ADK: variants seen among roughly 807,000 people sequenced by gnomAD.
ADK encodes adenosine kinase, also known as N6,N6-dimethyladenosine kinase.
Under a neutral mutation model 44.7 loss-of-function variants are expected in ADK, and 24 were observed. The ratio of observed to expected loss-of-function variants is 0.54; its 90% confidence interval spans 0.39 to 0.76. The LOEUF is 0.76. Among genes scored for constraint, ADK ranks in the 30% least tolerant of loss-of-function variants. The pLI is 0.00. For synonymous variants in ADK, 128 were observed against 142.6 expected (o/e 0.90, Z 0.73); for missense variants, 321 against 425.1 (o/e 0.76, Z 2.15).
intron 3 of ADK, among the ~76,000 whole-genome samples, chr10:74,239,756 A>G (rs1268917657): frequency 2.0e-5 from 3 of 150,310 alleles, no homozygotes; most frequent in African/African-American, 7.3e-5. Flanking sequence ...CAATAAAAGT[A>G]AAATTGTATA....
At chr10:74,184,910 T>C (rs1362176876) in intron 1 of ADK, among the ~76,000 whole-genome samples, 1 of 152,200 alleles carries the variant, frequency 6.6e-6, no homozygotes, top group East Asian at 1.9e-4. Context: ...GACATTTTTA[T>C]TGTATGGAGA....
At chr10:74,546,826 C>A (rs1284981597) in intron 7 of ADK, among the ~76,000 whole-genome samples, 2 of 151,978 alleles carry the variant, frequency 1.3e-5, no homozygotes, top group Non-Finnish European at 2.9e-5. Context: ...GACAAAGATT[C>A]ATGGATTATA....
rs148906307 is a variant in ADK, at chr10:74,706,563, T to C, written c.965-1758T>C. Among the ~76,000 whole-genome samples the C allele has an allele frequency of 1.3e-4, 20 of 152,328 alleles. No homozygotes were observed. In the East Asian group the frequency reaches 3.3e-3, roughly 25 times the overall value. On this transcript the variant is annotated intron_variant, in intron 10 of 10. Transcript: ENST00000539909. ...CAAAAATCAGTTGGCTATACAGAAG[T>C]AGGTTTATTTCTGGACTCTGTTCAG...
At chr10:74,214,626 G>T (rs972451329) in intron 2 of ADK, among the ~76,000 whole-genome samples, 2 of 152,134 alleles carry the variant, frequency 1.3e-5, no homozygotes, top group African/African-American at 4.8e-5. Flanking sequence ...GCCTTTCAAG[G>T]CACTAAGCTC....
rs139746877 is a variant in ADK at position 74,272,608 on chromosome 10, G to T, written c.195-42059G>T. Among the ~76,000 whole-genome samples the T allele has an allele frequency of 2.5e-3, 383 of 152,200 alleles. 2 individuals are homozygous for T. The highest frequency in any genetic ancestry group is 8.8e-3 in the African/African-American group (365 of 41,526). On this transcript the variant is annotated intron_variant, in intron 3 of 10. Coordinates refer to ENST00000539909, the MANE Select transcript of ADK (RefSeq NM_006721.4). ...TTTCTACCTCTGATTATAAATTAAA[G>T]GATAGTATTATAAATGCTTAATTTT... is the stretch of plus-strand genomic sequence containing the variant.
chr10:74,464,552 C>G (rs936246414), intron 6 of ADK, among the ~76,000 whole-genome samples: 1 of 152,018 alleles, frequency 6.6e-6, no homozygotes, highest in Non-Finnish European at 1.5e-5. Context: ...ACAGCGAGAC[C>G]ATGTCTTTAA....
At chr10:74,387,117 A>G (rs573212635) in intron 4 of ADK, among the ~76,000 whole-genome samples, 6 of 152,200 alleles carry the variant, frequency 3.9e-5, no homozygotes, top group Non-Finnish European at 7.4e-5. Context: ...TTGCATTTTT[A>G]GTAGAGACGG....
intron 3 of ADK, among the ~76,000 whole-genome samples, chr10:74,275,476 C>A (rs1225507631): frequency 1.3e-5 from 2 of 151,968 alleles, no homozygotes; most frequent in African/African-American, 2.4e-5. Flanking sequence ...AGTTACCTAT[C>A]GGTAGAAAGT....
intron 2 of ADK, among the ~76,000 whole-genome samples, chr10:74,203,865 G>T (rs1053424360): frequency 1.3e-5 from 2 of 149,898 alleles, no homozygotes; most frequent in Non-Finnish European, 3.0e-5. Context: ...TTGGAATTTT[G>T]ATTGGAATTA....
chr10:74,211,283 G>A lies in ADK; in HGVS notation c.140+10445G>A, dbSNP rs139489242. ...GGTCTTTAATTGACCTGAATATTCT[G>A]TCTGGGATTTTGTTTAGTATTTATG... On this transcript the variant is annotated intron_variant, in intron 2 of 10. Coordinates refer to ENST00000539909, the MANE Select transcript of ADK (RefSeq NM_006721.4). Among the ~76,000 whole-genome samples, 682 of 152,190 alleles carry A rather than the reference G, an allele frequency of 4.5e-3. 5 individuals carry two copies. Among genetic ancestry groups the A allele is most frequent in the African/African-American group, 0.016 (655 of 41,532 alleles).
At chr10:74,671,061 G>GC (rs1491214483) in intron 10 of ADK, among the ~76,000 whole-genome samples, 1 of 33,456 alleles carries the variant, frequency 3.0e-5, no homozygotes, top group African/African-American at 1.3e-4. Context: ...AAAAAAGCAA[G>GC]CAAGTGGAGC....
Position 74,183,135 on chromosome 10 carries a change from A to G in ADK, c.66-17629A>G, listed in dbSNP as rs545654183. The stretch of plus-strand genomic sequence containing the variant: ...TTTTTTGTAGAGATGGGGTTTAACC[A>G]TATTGTCCAGGCTGGCTTTGAACTC... On this transcript the variant is annotated intron_variant, in intron 1 of 10. Transcript: ENST00000539909. Among the ~76,000 whole-genome samples, 18 of 152,188 alleles carry G rather than the reference A, an allele frequency of 1.2e-4. No homozygotes were observed. In the South Asian group the frequency reaches 3.3e-3, roughly 28 times the overall value.
At position 74,240,202 on chromosome 10, in the gene ADK, A is replaced by G. The variant is rs1373654801; in HGVS notation, c.194+15611A>G. On this transcript the variant is annotated intron_variant, in intron 3 of 10. Transcript: ENST00000539909. ...GTTAATTTTTGTATTTTTAGCAGAG[A>G]CAGGGTTTCGCCATGTTGTCCAGGC... Among the ~76,000 whole-genome samples, 3 of 151,370 alleles carry G rather than the reference A, an allele frequency of 2.0e-5. No individual in the cohort carries two copies. The East Asian group carries it at 5.8e-4, about 29-fold the overall frequency.
intron 7 of ADK, among the ~76,000 whole-genome samples, chr10:74,581,452 A>G (rs994632640): frequency 2.0e-5 from 3 of 152,182 alleles, no homozygotes; most frequent in Non-Finnish European, 2.9e-5. Context: ...ACAACTTTAG[A>G]TGATCAAATA....
chr10:74,362,736 A>G (rs970172504), intron 4 of ADK, among the ~76,000 whole-genome samples: 1 of 152,206 alleles, frequency 6.6e-6, no homozygotes, highest in African/African-American at 2.4e-5. Flanking sequence ...TTACTATTGC[A>G]TTCTCTGAGC....
chr10:74,425,937 T>C (rs1489234447), intron 6 of ADK, among the ~76,000 whole-genome samples: 1 of 152,206 alleles, frequency 6.6e-6, no homozygotes, highest in Non-Finnish European at 1.5e-5. Context: ...TTTGTAAGTA[T>C]AATGTATTAT....
At chr10:74,692,018 C>T (rs1038365368) in intron 10 of ADK, among the ~76,000 whole-genome samples, 2 of 152,174 alleles carry the variant, frequency 1.3e-5, no homozygotes, top group Admixed American at 6.5e-5. Flanking sequence ...CAGGCTCCTT[C>T]GTTGCCCAAA....
intron 6 of ADK, among the ~76,000 whole-genome samples, chr10:74,409,836 G>C (rs1844100416): frequency 6.6e-6 from 1 of 152,140 alleles, no homozygotes; most frequent in African/African-American, 2.4e-5. Context: ...GTATATTAAA[G>C]GCAAGTAAGA....
intron 3 of ADK, among the ~76,000 whole-genome samples, chr10:74,261,523 C>T (rs1846037658): frequency 6.6e-6 from 1 of 152,164 alleles, no homozygotes; most frequent in South Asian, 2.1e-4. Context: ...TGCTCAAGCA[C>T]ATTCTCCAGA....
Sources: gnomAD v4.1 joint callset for allele counts (sites outside exome capture counted in the v4.1 genomes callset) on GRCh38, gnomAD v4.1.1 for gene constraint, MANE v1.5 for transcripts, NCBI Gene and HGNC (gene_info 2026-07-23, HGNC 2026-07-21) for gene names.